Variants in EEFSEC observed in about 807,000 individuals in gnomAD.
The protein encoded by EEFSEC is eukaryotic elongation factor, selenocysteine-tRNA specific.
Under a neutral mutation model 42.1 loss-of-function variants are expected in EEFSEC, and 43 were observed. The observed-to-expected ratio is 1.02, with a 90% CI of 0.80 to 1.32. The LOEUF is 1.32. Ranked by LOEUF, EEFSEC falls within the 40% of genes most tolerant of loss-of-function variation. The probability of loss-of-function intolerance (pLI) is 0.00; values close to 1 mark genes in which losing one functional copy is unlikely to be tolerated. For missense variants in EEFSEC, 745 were observed against 803.6 expected (o/e 0.93, Z 0.88); for synonymous variants, 354 against 339.1 (o/e 1.04, Z -0.48).
chr3:128,349,972 T>C (rs1410647093), intron 5 of EEFSEC, among the ~76,000 whole-genome samples: 1 of 152,142 alleles, frequency 6.6e-6, no homozygotes, highest in Non-Finnish European at 1.5e-5. Flanking sequence ...GCAGACACCA[T>C]CCCCCTTCCA....
chr3:128,226,096 T>C (rs898560288), intron 1 of EEFSEC, among the ~76,000 whole-genome samples: 1 of 152,212 alleles, frequency 6.6e-6, no homozygotes, highest in South Asian at 2.1e-4. Context: ...TGCCAGCAAG[T>C]GTGCTGAGAA....
chr3:128,275,526 G>A (rs2066458881), intron 4 of EEFSEC, among the ~76,000 whole-genome samples: 1 of 152,202 alleles, frequency 6.6e-6, no homozygotes, highest in African/African-American at 2.4e-5. Flanking sequence ...AGCTGGCCCT[G>A]GGGGAGCCCT....
chr3:128,286,093 C>G (rs1200864780), intron 4 of EEFSEC, among the ~76,000 whole-genome samples: 1 of 152,250 alleles, frequency 6.6e-6, no homozygotes, highest in Non-Finnish European at 1.5e-5. Context: ...CAAGCTTGCT[C>G]TTCGCATTCA....
rs983975815 is a variant in EEFSEC, at chr3:128,317,743, G to A, written c.787-23490G>A. ...ATTTGTGCTCACGTACCATTCTCTC[G>A]CCGGCTGCTGACCAGTTGGGCCCTC... is the stretch of plus-strand genomic sequence containing the variant. On this transcript the variant is annotated intron_variant, in intron 4 of 6. Transcript: ENST00000254730. The surrounding 1 kb of genome is among the most constrained non-coding windows in gnomAD (Gnocchi z 4.1). 3.9e-5 allele frequency among the ~76,000 whole-genome samples: 6 copies of A among 152,180 alleles called. No individual in the cohort carries two copies. The highest frequency in any genetic ancestry group is 7.2e-5 in the African/African-American group (3 of 41,452).
intron 6 of EEFSEC, among the ~76,000 whole-genome samples, chr3:128,388,484 C>T (rs945146606): frequency 5.3e-5 from 8 of 152,234 alleles, no homozygotes; most frequent in African/African-American, 1.9e-4. Flanking sequence ...CTGTAACTGC[C>T]GTTTAGGTGG....
At chr3:128,265,446 G>A (rs1422201075) in intron 4 of EEFSEC, among the ~76,000 whole-genome samples, 4 of 152,280 alleles carry the variant, frequency 2.6e-5, no homozygotes, top group South Asian at 4.1e-4. Flanking sequence ...TTATTTAGAA[G>A]GCATTTTTAA....
chr3:128,329,409 C>T (rs914255647), intron 4 of EEFSEC, among the ~76,000 whole-genome samples: 13 of 146,498 alleles, frequency 8.9e-5, no homozygotes, highest in Non-Finnish European at 1.8e-4. Flanking sequence ...GCCACCCAGC[C>T]CCACCCCCCC....
chr3:128,300,864 T>C (rs1172535284), intron 4 of EEFSEC, among the ~76,000 whole-genome samples: 1 of 152,210 alleles, frequency 6.6e-6, no homozygotes, highest in African/African-American at 2.4e-5. Context: ...AATAGATACT[T>C]AGTGTTTTTT....
intron 1 of EEFSEC, among the ~76,000 whole-genome samples, chr3:128,222,314 T>C (rs1190817930): frequency 6.6e-6 from 1 of 152,252 alleles, no homozygotes; most frequent in African/African-American, 2.4e-5. Flanking sequence ...ATTACAGATG[T>C]GAGCCACTGC....
At chr3:128,336,911 G>GCCTGGT (rs2067195889) in intron 4 of EEFSEC, 1 of 152,170 alleles carries the variant, frequency 6.6e-6, no homozygotes, top group Admixed American at 6.5e-5. Flanking sequence ...CAGAGCCTGG[G>GCCTGGT]CCTGGTCCTG....
chr3:128,408,384 C>A lies in EEFSEC; in HGVS notation c.*125C>A. On this transcript the variant is annotated 3_prime_UTR_variant, in exon 7 of 7. Coordinates refer to ENST00000254730, the MANE Select transcript of EEFSEC (RefSeq NM_021937.5). The stretch of plus-strand genomic sequence containing the variant: ...TGCAGTCCTGCAGCAGCAGCCCCCA[C>A]CCCCAAGCTTGGTGCTGAGCCCTGG... 1 of 1,087,000 alleles carries A rather than the reference C, an allele frequency of 9.2e-7. No individual in the cohort carries two copies. The highest frequency in any genetic ancestry group is 1.3e-6 in the Non-Finnish European group (1 of 772,458). 67.3% of individuals were successfully genotyped at this position (1,087,000 alleles called of 1,614,324 possible).
chr3:128,167,809 C>T (rs935781551), intron 1 of EEFSEC, among the ~76,000 whole-genome samples: 3 of 152,334 alleles, frequency 2.0e-5, no homozygotes, highest in Middle Eastern at 3.4e-3. Flanking sequence ...CCTCCCAGAT[C>T]GTATATTTTC....
In EEFSEC at chr3:128,302,786, G is replaced by A. The variant is rs770350761; in HGVS notation, c.786+38005G>A. ...GAAACAATTTTATGCATATACTCAC[G>A]TATATAAGTGTATAAAGCTATTTTA... On this transcript the variant is annotated intron_variant, in intron 4 of 6. Coordinates refer to ENST00000254730, the MANE Select transcript of EEFSEC (RefSeq NM_021937.5). Among the ~76,000 whole-genome samples, 11 of 152,096 alleles carry A rather than the reference G, an allele frequency of 7.2e-5. No individual in the cohort carries two copies. The East Asian group carries it at 1.7e-3, about 24-fold the overall frequency.
intron 1 of EEFSEC, among the ~76,000 whole-genome samples, chr3:128,159,671 T>C (rs567245169): frequency 6.6e-6 from 1 of 152,298 alleles, no homozygotes; most frequent in East Asian, 1.9e-4. Flanking sequence ...CACGGTGGCC[T>C]CATTTCTCTT....
chr3:128,347,334 A>G (rs2067324627), intron 5 of EEFSEC, among the ~76,000 whole-genome samples: 1 of 152,158 alleles, frequency 6.6e-6, no homozygotes, highest in African/African-American at 2.4e-5. Flanking sequence ...GTGGGAGAAG[A>G]AAAGAAGTGA....
intron 4 of EEFSEC, among the ~76,000 whole-genome samples, chr3:128,277,405 T>G (rs1576601051): frequency 6.6e-6 from 1 of 152,380 alleles, no homozygotes; most frequent in South Asian, 2.1e-4. Context: ...TGCTTCATTA[T>G]AACATGTTCT....
chr3:128,211,069 A>G (rs1367867573), intron 1 of EEFSEC, among the ~76,000 whole-genome samples: 4 of 152,286 alleles, frequency 2.6e-5, no homozygotes, highest in East Asian at 3.9e-4. Context: ...TTAAGTCTCT[A>G]TGTTGTCATT....
chr3:128,372,130 A>C (rs1408443004), intron 6 of EEFSEC, among the ~76,000 whole-genome samples: 1 of 152,250 alleles, frequency 6.6e-6, no homozygotes, highest in Non-Finnish European at 1.5e-5. Flanking sequence ...ACCTAAATAA[A>C]GTCAGCAGAG....
At chr3:128,323,101 T>A (rs2108041752) in intron 4 of EEFSEC, among the ~76,000 whole-genome samples, 1 of 152,356 alleles carries the variant, frequency 6.6e-6, no homozygotes, top group Non-Finnish European at 1.5e-5. Context: ...GACTTCTGAA[T>A]GCATGACAGC....
Sources: gnomAD v4.1 joint callset for allele counts (sites outside exome capture counted in the v4.1 genomes callset) on GRCh38, gnomAD v4.1.1 for gene constraint, Gnocchi (gnomAD v3.1) non-coding constraint, MANE v1.5 for transcripts, NCBI Gene and HGNC (gene_info 2026-07-23, HGNC 2026-07-21) for gene names.